HIPK2: variants seen among roughly 807,000 people sequenced by gnomAD.
The protein encoded by HIPK2 is homeodomain interacting protein kinase 2, also known as homeodomain-interacting protein kinase 2.
HIPK2 carries 27 observed loss-of-function variants against 113.7 expected under a neutral mutation model. That is an observed-to-expected ratio of 0.24 (90% CI 0.17 to 0.33). The LOEUF (loss-of-function observed/expected upper bound fraction) is 0.33, where lower values mean the gene tolerates loss of function less well. Among genes scored for constraint, HIPK2 ranks in the 10% least tolerant of loss-of-function variants. The pLI is 1.00. For synonymous variants in HIPK2, 631 were observed against 642.2 expected (o/e 0.98, Z 0.26); for missense variants, 1,257 against 1,588.0 (o/e 0.79, Z 3.54).
At position 139,572,883 on chromosome 7, in the gene HIPK2, G is replaced by C; in HGVS notation, c.*44C>G. On this transcript the variant is annotated 3_prime_UTR_variant, in exon 15 of 15. Coordinates refer to ENST00000406875, the MANE Select transcript of HIPK2 (RefSeq NM_022740.5). The stretch of plus-strand genomic sequence containing the variant: ...TCCCTCCTTCTCTCCCTCCTCCCTC[G>C]GGCCATTCTCTCCCTCCCTCCCTCC... The C allele has an allele frequency of 7.2e-7, 1 of 1,391,918 alleles. No individual in the cohort carries two copies. The highest frequency in any genetic ancestry group is 1.5e-5 in the South Asian group (1 of 68,546). 86.2% of individuals were successfully genotyped at this position (1,391,918 alleles called of 1,614,324 possible). A position where few individuals can be genotyped will look rare whatever the true frequency, so the allele number is the denominator to read the frequency against.
At chr7:139,719,419 A>T (rs1795343414) in intron 1 of HIPK2, among the ~76,000 whole-genome samples, 1 of 151,890 alleles carries the variant, frequency 6.6e-6, no homozygotes, top group South Asian at 2.1e-4. Context: ...CCTCCTTTCA[A>T]ATGTTGGCAT....
At chr7:139,632,174 A>G (rs895173539) in intron 2 of HIPK2, among the ~76,000 whole-genome samples, 2 of 152,168 alleles carry the variant, frequency 1.3e-5, no homozygotes, top group Non-Finnish European at 2.9e-5. Context: ...GGAACTCACT[A>G]TGTTGCCTAG....
chr7:139,620,531 C>T lies in HIPK2; in HGVS notation c.1652G>A (p.Cys551Tyr). Reference sequence around the variant, plus strand: ...GTCATACATATTCACCCGACGCTTGCAGATCTCCATGTTCTGGAAACATGA... The same window carrying T: ...GTCATACATATTCACCCGACGCTTGTAGATCTCCATGTTCTGGAAACATGA... ...VKSCFQNMEI[C>Y]KRRVNMYDTV... Residue 551 changes from cysteine (C) to tyrosine (Y), a missense_variant, in exon 7 of 15, where the codon TGC becomes TAC. This residue lies in a region of HIPK2 where 862 missense variants were observed against 1,004.3 expected (regional missense o/e 0.86). Coordinates refer to ENST00000406875, the MANE Select transcript of HIPK2 (RefSeq NM_022740.5). 1.9e-6 allele frequency: 3 copies of T among 1,614,098 alleles called. No individual in the cohort carries two copies. Among genetic ancestry groups the T allele is most frequent in the Non-Finnish European group, 1.7e-6 (2 of 1,180,008 alleles).
chr7:139,750,803 T>C (rs1031754742), intron 1 of HIPK2, among the ~76,000 whole-genome samples: 1 of 152,156 alleles, frequency 6.6e-6, no homozygotes, highest in South Asian at 2.1e-4. Context: ...TAGATAAAAG[T>C]CCACATGCAA....
At chr7:139,734,678 T>A (rs760504627) in intron 1 of HIPK2, among the ~76,000 whole-genome samples, 26 of 152,226 alleles carry the variant, frequency 1.7e-4, no homozygotes, top group Non-Finnish European at 2.9e-4. Context: ...ACTCTCTTTA[T>A]CACTGAAGTC....
intron 2 of HIPK2, among the ~76,000 whole-genome samples, chr7:139,678,889 T>C (rs754357987): frequency 1.3e-4 from 20 of 152,192 alleles, no homozygotes; most frequent in Non-Finnish European, 2.8e-4. Flanking sequence ...CCCTTGTAAG[T>C]TGGATTCCTA....
At chr7:139,775,175 G>C (rs761681898) in intron 1 of HIPK2, among the ~76,000 whole-genome samples, 71 of 152,278 alleles carry the variant, frequency 4.7e-4, no homozygotes, top group Non-Finnish European at 8.7e-4. Context: ...TCTTCTTATA[G>C]AAATCTACAG....
rs1321281669 is a variant in HIPK2 at position 139,565,500 on chromosome 7, C to T, written c.*7427G>A. 2 of 152,138 alleles carry T rather than the reference C, an allele frequency of 1.3e-5. No individual in the cohort carries two copies. Among genetic ancestry groups the T allele is most frequent in the African/African-American group, 4.8e-5 (2 of 41,438 alleles). The allele number at this position is 152,138 out of a possible 1,614,324, so 9.4% of individuals were successfully genotyped here. On this transcript the variant is annotated 3_prime_UTR_variant, in exon 15 of 15. Coordinates refer to ENST00000406875, the MANE Select transcript of HIPK2 (RefSeq NM_022740.5). ...AAAAATCTAGTCCTAAGCATTTCTA[C>T]ATTCTCACCATCTTTCAATCAAAAT...
chr7:139,637,383 G>GCTT (rs1433647141), intron 2 of HIPK2, among the ~76,000 whole-genome samples: 1 of 152,218 alleles, frequency 6.6e-6, no homozygotes, highest in Non-Finnish European at 1.5e-5. Context: ...CACTCTCCTA[G>GCTT]CTTAATACGT....
chr7:139,621,925 G>GAA (rs34446527), intron 6 of HIPK2, among the ~76,000 whole-genome samples: 12,447 of 75,350 alleles, frequency 0.17, 841 homozygotes, highest in Non-Finnish European at 0.23. Context: ...CCTGTCTCAG[G>GAA]AAAAAAAAAA....
intron 2 of HIPK2, among the ~76,000 whole-genome samples, chr7:139,645,990 A>G (rs991487655): frequency 1.8e-4 from 28 of 152,314 alleles, no homozygotes; most frequent in African/African-American, 6.7e-4. Flanking sequence ...CCAACACTCA[A>G]CTTTTCTTAA....
chr7:139,680,462 A>G (rs1408966226), intron 2 of HIPK2, among the ~76,000 whole-genome samples: 1 of 152,118 alleles, frequency 6.6e-6, no homozygotes, highest in Non-Finnish European at 1.5e-5. Flanking sequence ...TTTCCTTACC[A>G]GGTGCCTTGG....
chr7:139,697,618 AT>A (rs1191956384), intron 2 of HIPK2, among the ~76,000 whole-genome samples: 3 of 152,116 alleles, frequency 2.0e-5, no homozygotes, highest in East Asian at 1.9e-4. Context: ...CAGAAAATTA[AT>A]TTTTTTCCCT....
intron 2 of HIPK2, among the ~76,000 whole-genome samples, chr7:139,673,099 A>C (rs530477538): frequency 8.8e-6 from 1 of 114,096 alleles, no homozygotes; most frequent in East Asian, 2.0e-4. Flanking sequence ...CAGTGGTTAG[A>C]ACTTTTTTTT....
chr7:139,706,408 G>A (rs1009021230), intron 2 of HIPK2, among the ~76,000 whole-genome samples: 1 of 152,200 alleles, frequency 6.6e-6, no homozygotes, highest in African/African-American at 2.4e-5. Context: ...GGGCATGCGA[G>A]GGTTTCCGGT....
chr7:139,620,526 G>A lies in HIPK2; in HGVS notation c.1657C>T (p.Arg553Cys), dbSNP rs774993972. 15 of 1,613,998 alleles carry A rather than the reference G, an allele frequency of 9.3e-6. No homozygotes were observed. The highest frequency in any genetic ancestry group is 6.7e-5 in the African/African-American group (5 of 74,912). Reference sequence around the variant, plus strand: ...ACCGTGTCATACATATTCACCCGACGCTTGCAGATCTCCATGTTCTGGAAA... The same window carrying A: ...ACCGTGTCATACATATTCACCCGACACTTGCAGATCTCCATGTTCTGGAAA... ...SCFQNMEICK[R>C]RVNMYDTVNQ... The change falls in exon 7 of 15, where the codon CGT becomes TGT. Residue 553 changes from arginine (R) to cysteine (C), a missense_variant. Arg to Cys is a radical substitution (Grantham distance 180). This residue lies in a region of HIPK2 where 862 missense variants were observed against 1,004.3 expected (regional missense o/e 0.86). Coordinates refer to ENST00000406875, the MANE Select transcript of HIPK2 (RefSeq NM_022740.5).
chr7:139,614,586 G>T, intron 7 of HIPK2, 93 bp from the exon 8 acceptor site: 1 of 852,040 alleles, frequency 1.2e-6, no homozygotes, highest in East Asian at 3.3e-5. Context: ...TCAAATAAAT[G>T]AACTCAAAGA....
chr7:139,644,907 A>G (rs1801154503), intron 2 of HIPK2, among the ~76,000 whole-genome samples: 1 of 152,270 alleles, frequency 6.6e-6, no homozygotes, highest in Non-Finnish European at 1.5e-5. Flanking sequence ...ACACTAACAC[A>G]TTAATTCAAG....
intron 2 of HIPK2, among the ~76,000 whole-genome samples, chr7:139,712,365 G>A (rs1195598760): frequency 6.6e-6 from 1 of 152,226 alleles, no homozygotes; most frequent in African/African-American, 2.4e-5. Flanking sequence ...GTGTCACTAG[G>A]TGGGGACAAT....
Sources: allele counts gnomAD v4.1 joint callset (sites outside exome capture counted in the v4.1 genomes callset), GRCh38; gene constraint gnomAD v4.1.1; regional missense constraint gnomAD v4.1.1; transcripts MANE v1.5; gene names NCBI Gene and HGNC (gene_info 2026-07-23, HGNC 2026-07-21).